The following NDUFA9 variants were observed in gnomAD, a reference collection of about 807,000 sequenced individuals.
NDUFA9 encodes NADH:ubiquinone oxidoreductase subunit A9, also known as NADH dehydrogenase [ubiquinone] 1 alpha subcomplex subunit 9, mitochondrial.
A neutral mutation model predicts 45.9 loss-of-function variants in NDUFA9; 23 were observed. The observed-to-expected ratio is 0.50, with a 90% CI of 0.36 to 0.71. NDUFA9 has a LOEUF of 0.71. NDUFA9 is among the 30% of genes least tolerant of loss of function. NDUFA9 has a pLI of 0.00. For missense variants in NDUFA9, 466 were observed against 488.2 expected (o/e 0.95, Z 0.43); for synonymous variants, 176 against 170.5 (o/e 1.03, Z -0.25).
intron 8 of NDUFA9, among the ~76,000 whole-genome samples, chr12:4,678,661 C>T (rs1174945107): frequency 6.6e-6 from 1 of 152,068 alleles, no homozygotes; most frequent in Non-Finnish European, 1.5e-5. Flanking sequence ...ATCAGCCCAG[C>T]AGATGTACTT....
chr12:4,669,324 T>C (rs940963342), intron 7 of NDUFA9, among the ~76,000 whole-genome samples: 2 of 152,164 alleles, frequency 1.3e-5, no homozygotes, highest in South Asian at 4.1e-4. Flanking sequence ...AGCAATTCCA[T>C]GTGGTTAAGC....
chr12:4,679,223 AT>A lies in NDUFA9; in HGVS notation c.801-2980del, dbSNP rs529023615. ...ATCTATAAAAGGCAAATGTAAGTAG[AT>A]TAGTGATTGCCTGAGCCTGGGAGTA... On this transcript the variant is annotated intron_variant, in intron 8 of 10. Coordinates refer to ENST00000266544, the MANE Select transcript of NDUFA9 (RefSeq NM_005002.5). 1.8e-3 allele frequency among the ~76,000 whole-genome samples: 273 copies of A among 152,272 alleles called. 1 individual carries two copies. The highest frequency in any genetic ancestry group is 2.5e-3 in the Non-Finnish European group (167 of 68,020).
intron 6 of NDUFA9, among the ~76,000 whole-genome samples, chr12:4,665,399 C>T (rs1018330048): frequency 3.3e-5 from 5 of 152,134 alleles, no homozygotes; most frequent in East Asian, 1.9e-4. Context: ...TCCTGTTGTA[C>T]CACGTGATGT....
At chr12:4,664,849 A>G (rs1318232443) in intron 6 of NDUFA9, among the ~76,000 whole-genome samples, 1 of 152,216 alleles carries the variant, frequency 6.6e-6, no homozygotes, top group Non-Finnish European at 1.5e-5. Flanking sequence ...AGATTCTAAA[A>G]TCTAATAGAA....
At chr12:4,663,892 G>A (rs1384875481) in intron 6 of NDUFA9, among the ~76,000 whole-genome samples, 1 of 152,094 alleles carries the variant, frequency 6.6e-6, no homozygotes, top group Non-Finnish European at 1.5e-5. Context: ...GGTCTCAGAT[G>A]GAAATGAGTA....
chr12:4,686,614 C>T (rs547299175), intron 10 of NDUFA9, among the ~76,000 whole-genome samples: 1 of 152,202 alleles, frequency 6.6e-6, no homozygotes, highest in Non-Finnish European at 1.5e-5. Flanking sequence ...AGTGTGGTGA[C>T]TTGTGCTTCC....
rs1024049760 is a variant in NDUFA9 at position 4,687,328 on chromosome 12, A to G, written c.*220A>G. ...TGTTAAACATATTTAATAATGATATATATACTATTTATTCTCTGAAATGCC... is the reference window on the plus strand; with the variant it reads ...TGTTAAACATATTTAATAATGATATGTATACTATTTATTCTCTGAAATGCC... On this transcript the variant is annotated 3_prime_UTR_variant, in exon 11 of 11. Transcript: ENST00000266544. 3 of 392,400 alleles carry G rather than the reference A, an allele frequency of 7.6e-6. No individual in the cohort carries two copies. The highest frequency in any genetic ancestry group is 1.3e-5 in the Non-Finnish European group (3 of 223,940). The allele number at this position is 392,400 out of a possible 1,614,324, so 24.3% of individuals were successfully genotyped here.
intron 1 of NDUFA9, among the ~76,000 whole-genome samples, chr12:4,651,298 C>T (rs1272291539): frequency 6.6e-6 from 1 of 152,014 alleles, no homozygotes; most frequent in Non-Finnish European, 1.5e-5. Context: ...TAATAGTACT[C>T]ATAATAAATG....
intron 1 of NDUFA9, among the ~76,000 whole-genome samples, chr12:4,650,337 T>C (rs1945750597): frequency 6.6e-6 from 1 of 152,222 alleles, no homozygotes; most frequent in Non-Finnish European, 1.5e-5. Context: ...GTAGTCACAA[T>C]GTCTTTGCAA....
At chr12:4,675,110 G>A (rs1244436180) in intron 8 of NDUFA9, among the ~76,000 whole-genome samples, 1 of 152,178 alleles carries the variant, frequency 6.6e-6, no homozygotes, top group Admixed American at 6.5e-5. Context: ...GATGTTCTTT[G>A]AAACCGATGA....
At chr12:4,655,163 T>C in intron 3 of NDUFA9, 1 of 425,712 alleles carries the variant, frequency 2.3e-6, no homozygotes, top group Non-Finnish European at 4.2e-6. Flanking sequence ...GCTTTGCAGG[T>C]CGTAGAGTCT....
In NDUFA9 at chr12:4,692,462, A is replaced by G. The variant is rs1477354814; in HGVS notation, c.*5354A>G. 1 of 152,252 alleles carries G rather than the reference A, an allele frequency of 6.6e-6. No homozygotes were observed. The highest frequency in any genetic ancestry group is 1.5e-5 in the Non-Finnish European group (1 of 68,080). 9.4% of individuals were successfully genotyped at this position (152,252 alleles called of 1,614,324 possible). A position where few individuals can be genotyped will look rare whatever the true frequency, so the allele number is the denominator to read the frequency against. On this transcript the variant is annotated 3_prime_UTR_variant, in exon 11 of 11. Coordinates refer to ENST00000266544, the MANE Select transcript of NDUFA9 (RefSeq NM_005002.5). ...GATGCCTATGTGACGCTTCCTGTAC[A>G]GCCTGCAGAACCATGAGCCAATTAA...
chr12:4,663,378 G>A (rs570061147), intron 6 of NDUFA9, among the ~76,000 whole-genome samples: 40 of 152,198 alleles, frequency 2.6e-4, no homozygotes, highest in African/African-American at 6.7e-4. Flanking sequence ...CTCATAATTC[G>A]TATGTTGAAG....
chr12:4,673,981 C>T (rs538547830), intron 8 of NDUFA9, among the ~76,000 whole-genome samples: 9 of 152,296 alleles, frequency 5.9e-5, no homozygotes, highest in Non-Finnish European at 1.2e-4. Context: ...CAGCAGAAAC[C>T]CTACAAGCCA....
chr12:4,669,292 A>C (rs1945872073), intron 7 of NDUFA9, among the ~76,000 whole-genome samples: 1 of 152,210 alleles, frequency 6.6e-6, no homozygotes, highest in African/African-American at 2.4e-5. Context: ...ACTGTTTTTG[A>C]AAATCAAAAT....
intron 8 of NDUFA9, among the ~76,000 whole-genome samples, chr12:4,679,632 C>T (rs1164325971): frequency 1.3e-5 from 2 of 152,110 alleles, no homozygotes; most frequent in African/African-American, 4.8e-5. Flanking sequence ...TTAATGACCT[C>T]ATTTGAACAT....
In NDUFA9 at chr12:4,687,394, A is replaced by G. The variant is rs1945994507; in HGVS notation, c.*286A>G. On this transcript the variant is annotated 3_prime_UTR_variant, in exon 11 of 11. Coordinates refer to ENST00000266544, the MANE Select transcript of NDUFA9 (RefSeq NM_005002.5). ...TCCTATGACAAACCACTTCTAGCAT[A>G]CGTTCTAGAAGACAAGGACCCTTTT... is the stretch of plus-strand genomic sequence containing the variant. 8.5e-6 allele frequency: 2 copies of G among 234,476 alleles called. No homozygotes were observed. The highest frequency in any genetic ancestry group is 1.3e-4 in the South Asian group (1 of 7,998). 14.5% of individuals were successfully genotyped at this position (234,476 alleles called of 1,614,324 possible). A position where few individuals can be genotyped will look rare whatever the true frequency, so the allele number is the denominator to read the frequency against.
chr12:4,649,336 C>G (rs1945740497), intron 1 of NDUFA9, among the ~76,000 whole-genome samples, 161 bp downstream of exon 1: 1 of 152,226 alleles, frequency 6.6e-6, no homozygotes, highest in African/African-American at 2.4e-5. Flanking sequence ...CTTTCGCTTT[C>G]CGCTTCCCCG....
chr12:4,682,431 C>G, intron 9 of NDUFA9, 131 bp downstream of exon 9: 1 of 495,358 alleles, frequency 2.0e-6, no homozygotes. Flanking sequence ...ATGACATTAG[C>G]ATAGAGAAGA....
Sources: gnomAD v4.1 joint callset for allele counts (sites outside exome capture counted in the v4.1 genomes callset) on GRCh38, gnomAD v4.1.1 for gene constraint, MANE v1.5 for transcripts, NCBI Gene and HGNC (gene_info 2026-07-23, HGNC 2026-07-21) for gene names.